Variants in STXBP6 observed in about 807,000 individuals in gnomAD.
STXBP6 encodes syntaxin binding protein 6.
In STXBP6, 21 loss-of-function variants were observed where a neutral mutation model predicts 26.9. The ratio of observed to expected loss-of-function variants is 0.78; its 90% confidence interval spans 0.55 to 1.12. The LOEUF (loss-of-function observed/expected upper bound fraction) is 1.12. Ranked by LOEUF, STXBP6 falls within the 50% of genes most tolerant of loss-of-function variation. The pLI, the probability that STXBP6 is intolerant of heterozygous loss-of-function variation, is 0.00. For missense variants in STXBP6, 232 were observed against 257.9 expected, an observed-to-expected ratio of 0.90 and a Z score of 0.69; for synonymous variants, 97 against 92.6, an observed-to-expected ratio of 1.05 and a Z score of -0.27.
At chr14:24,823,831 G>A (rs1200040554) in intron 4 of STXBP6, among the ~76,000 whole-genome samples, 1 of 151,958 alleles carries the variant, frequency 6.6e-6, no homozygotes, top group Non-Finnish European at 1.5e-5. Context: ...AATAGATATG[G>A]GTTCTAACAA....
At chr14:24,911,860 C>T (rs1844789400) in intron 2 of STXBP6, among the ~76,000 whole-genome samples, 2 of 152,180 alleles carry the variant, frequency 1.3e-5, no homozygotes, top group Admixed American at 6.5e-5. Flanking sequence ...TGTTTACAAA[C>T]CCTTTTTTAA....
intron 2 of STXBP6, among the ~76,000 whole-genome samples, chr14:24,956,902 C>T (rs185413263): frequency 3.9e-5 from 6 of 152,288 alleles, no homozygotes; most frequent in Non-Finnish European, 5.9e-5. Flanking sequence ...GTGTTCTTCA[C>T]TTGAACATAC....
chr14:24,939,489 T>C (rs930198386), intron 2 of STXBP6, among the ~76,000 whole-genome samples: 12 of 152,126 alleles, frequency 7.9e-5, no homozygotes, highest in African/African-American at 2.9e-4. Flanking sequence ...GTTACAGCTC[T>C]GTTGGGCTAA....
chr14:24,930,883 G>A (rs1215279816), intron 2 of STXBP6, among the ~76,000 whole-genome samples: 3 of 149,740 alleles, frequency 2.0e-5, no homozygotes, highest in Admixed American at 6.6e-5. Context: ...AGGCCGAGGC[G>A]GGTGGATCAT....
intron 1 of STXBP6, among the ~76,000 whole-genome samples, chr14:24,987,477 G>A (rs2074361924): frequency 6.6e-6 from 1 of 152,202 alleles, no homozygotes; most frequent in Non-Finnish European, 1.5e-5. Context: ...CTCCCACCTG[G>A]GGTGTCCTGA....
chr14:24,928,638 A>C (rs2139874399), intron 2 of STXBP6, among the ~76,000 whole-genome samples: 1 of 152,320 alleles, frequency 6.6e-6, no homozygotes, highest in Middle Eastern at 3.4e-3. Flanking sequence ...AGAAGCAAGA[A>C]ACACAGAGCC....
chr14:24,846,537 G>C (rs1053930073), intron 4 of STXBP6, among the ~76,000 whole-genome samples: 1 of 152,198 alleles, frequency 6.6e-6, no homozygotes, highest in Non-Finnish European at 1.5e-5. Flanking sequence ...CAAACTGGGA[G>C]AGTGGATGTC....
At chr14:25,044,666 A>G (rs1023810665) in intron 1 of STXBP6, among the ~76,000 whole-genome samples, 6 of 152,202 alleles carry the variant, frequency 3.9e-5, no homozygotes, top group African/African-American at 1.4e-4. Flanking sequence ...CCCAGGCTGG[A>G]GTGCAGTGGC....
intron 2 of STXBP6, among the ~76,000 whole-genome samples, chr14:24,945,569 CA>C (rs1363527111): frequency 6.6e-6 from 1 of 151,702 alleles, no homozygotes; most frequent in African/African-American, 2.4e-5. Flanking sequence ...GACCCTGTCT[CA>C]AAAACAAAAC....
intron 1 of STXBP6, among the ~76,000 whole-genome samples, chr14:25,013,504 C>A (rs1212310854): frequency 1.4e-4 from 17 of 123,792 alleles, no homozygotes; most frequent in Admixed American, 1.1e-3. Context: ...ACACACACAC[C>A]CCTAAAGGTA....
At chr14:24,986,885 C>T (rs558373409) in intron 1 of STXBP6, among the ~76,000 whole-genome samples, 9 of 152,298 alleles carry the variant, frequency 5.9e-5, no homozygotes, top group African/African-American at 2.2e-4. Flanking sequence ...CATCTCTATT[C>T]TATGTCTTGA....
At chr14:24,909,617 C>T (rs536118972) in intron 2 of STXBP6, among the ~76,000 whole-genome samples, 2 of 151,400 alleles carry the variant, frequency 1.3e-5, no homozygotes, top group Non-Finnish European at 2.9e-5. Context: ...CCCAACTGTA[C>T]AAAAAAATAG....
chr14:24,995,652 C>A (rs1421508191), intron 1 of STXBP6, among the ~76,000 whole-genome samples: 1 of 152,054 alleles, frequency 6.6e-6, no homozygotes, highest in Non-Finnish European at 1.5e-5. Flanking sequence ...TTAAGGGTAT[C>A]CAAATTATCC....
intron 1 of STXBP6, among the ~76,000 whole-genome samples, chr14:25,044,557 A>G (rs931235674): frequency 4.6e-5 from 7 of 152,220 alleles, no homozygotes. Context: ...TCCTGCAACC[A>G]GCTGTCCAGT....
chr14:24,995,648 G>T (rs373778422), intron 1 of STXBP6, among the ~76,000 whole-genome samples: 3 of 152,028 alleles, frequency 2.0e-5, no homozygotes, highest in East Asian at 3.9e-4. Context: ...TCTTTTAAGG[G>T]TATCCAAATT....
chr14:24,843,955 G>A (rs2068862431), intron 4 of STXBP6, among the ~76,000 whole-genome samples: 1 of 152,096 alleles, frequency 6.6e-6, no homozygotes, highest in South Asian at 2.1e-4. Context: ...GGAGGTTAGG[G>A]GACTGGCTGC....
chr14:24,834,766 T>C (rs969319484), intron 4 of STXBP6, among the ~76,000 whole-genome samples: 1 of 152,134 alleles, frequency 6.6e-6, no homozygotes, highest in Non-Finnish European at 1.5e-5. Context: ...TAAGAGACAC[T>C]GAGGGAGACC....
intron 2 of STXBP6, among the ~76,000 whole-genome samples, chr14:24,924,229 T>C (rs1232823011): frequency 6.6e-6 from 1 of 152,182 alleles, no homozygotes; most frequent in Admixed American, 6.5e-5. Context: ...TGTCAAATAT[T>C]ACATTTCCAT....
rs1010524341 is a variant in STXBP6 at position 24,952,301 on chromosome 14, T to TAA, written c.154+22362_154+22363dup. Among the ~76,000 whole-genome samples the TAA allele has an allele frequency of 4.6e-3, 645 of 139,070 alleles. 6 individuals are homozygous for TAA. Among genetic ancestry groups the TAA allele is most frequent in the African/African-American group, 0.016 (613 of 38,208 alleles). 91.2% of individuals were successfully genotyped at this position (139,070 alleles called of 152,430 possible). A position where few individuals can be genotyped will look rare whatever the true frequency, so the allele number is the denominator to read the frequency against. On this transcript the variant is annotated intron_variant, in intron 2 of 5. Transcript: ENST00000323944. ...TAGGGGGTAGCCATTCTTTATCCCT[T>TAA]AAAAAAAAAAAAAAGACAAATAAGC...
Sources: allele counts gnomAD v4.1 joint callset (sites outside exome capture counted in the v4.1 genomes callset), GRCh38; gene constraint gnomAD v4.1.1; transcripts MANE v1.5; gene names NCBI Gene and HGNC (gene_info 2026-07-23, HGNC 2026-07-21).